The following ZNF563 variants were observed in gnomAD, a reference collection of about 807,000 sequenced individuals.
ZNF563 encodes the protein zinc finger protein 563.
A neutral mutation model predicts 48.5 loss-of-function variants in ZNF563; 39 were observed. That is an observed-to-expected ratio of 0.80 (90% CI 0.62 to 1.05). The LOEUF is 1.05. ZNF563 is among the 50% of genes least tolerant of loss of function. The pLI is 0.00. For missense variants in ZNF563, 538 were observed against 597.0 expected (o/e 0.90, Z 1.03); for synonymous variants, 168 against 187.9 (o/e 0.89, Z 0.87).
At chr19:12,340,386 C>A in the ZNF563 span, among the ~76,000 whole-genome samples, 1 of 151,998 alleles carries the variant, frequency 6.6e-6, no homozygotes, top group African/African-American at 2.4e-5. Flanking sequence ...GGCATATAGT[C>A]ACAGCTACTC....
chr19:12,319,178 A>C lies in ZNF563; in HGVS notation c.847T>G (p.Cys283Gly), dbSNP rs756372264. 1.2e-6 allele frequency: 2 copies of C among 1,614,126 alleles called. No individual in the cohort carries two copies. The highest frequency in any genetic ancestry group is 1.7e-6 in the Non-Finnish European group (2 of 1,180,018). The stretch of plus-strand genomic sequence containing the variant: ...CTGAAGGCTTTCCCACACTGTTTAC[A>C]TGTATATGGTTTCTCTCCAGTGTGA... The part of the protein sequence containing the change: ...RTHTGEKPYT[C>G]KQCGKAFSVS... Residue 283 changes from cysteine to glycine, a missense_variant, in exon 4 of 4, where the codon TGT (cysteine) becomes GGT (glycine). Transcript: ENST00000293725.
At chr19:12,336,608 A>G (rs139501963), upstream of ZNF563, among the ~76,000 whole-genome samples, 103 of 152,318 alleles carry the variant, frequency 6.8e-4, no homozygotes, top group Middle Eastern at 6.8e-3. Flanking sequence ...AAACAAGCAA[A>G]CAAAACCAAC....
chr19:12,321,395 T>G, intron 2 of ZNF563, 63 bp from the exon 3 acceptor site: 1 of 1,009,744 alleles, frequency 9.9e-7, no homozygotes, highest in Non-Finnish European at 1.4e-6. Context: ...CAGTAAGATT[T>G]TATGTATACT....
upstream of ZNF563, among the ~76,000 whole-genome samples, chr19:12,336,674 C>T (rs1969024215): frequency 6.6e-6 from 1 of 152,140 alleles, no homozygotes; most frequent in Non-Finnish European, 1.5e-5. Flanking sequence ...TTATTTTTAC[C>T]TTAGCAAACT....
rs117380614 is a variant in ZNF563 at position 12,331,311 on chromosome 19, T to C, written c.3+2169A>G. Among the ~76,000 whole-genome samples, 22 of 152,258 alleles carry C rather than the reference T, an allele frequency of 1.4e-4. 1 individual carries two copies. In the East Asian group the frequency reaches 4.3e-3, roughly 29 times the overall value. On this transcript the variant is annotated intron_variant, in intron 1 of 3. Coordinates refer to ENST00000293725, the MANE Select transcript of ZNF563 (RefSeq NM_145276.3). ...GGTCAGGTCAGGTCCTCCTGTCACC[T>C]GGGACATCCCCCACCCCCGTGCTGC...
intron 2 of ZNF563, 71 bp downstream of exon 2, chr19:12,322,514 A>G (rs1235904462): frequency 2.7e-6 from 4 of 1,465,958 alleles, no homozygotes; most frequent in Non-Finnish European, 3.7e-6. Context: ...ATTTCAAATC[A>G]TTGAACAGCA....
intron 2 of ZNF563, among the ~76,000 whole-genome samples, chr19:12,321,762 A>C (rs1968631804): frequency 6.6e-6 from 1 of 152,018 alleles, no homozygotes; most frequent in Admixed American, 6.5e-5. Flanking sequence ...TGATTCTTGA[A>C]CAACACATGT....
intron 1 of ZNF563, among the ~76,000 whole-genome samples, chr19:12,324,114 T>C (rs1464310950): frequency 6.6e-6 from 1 of 152,140 alleles, no homozygotes; most frequent in Non-Finnish European, 1.5e-5. Flanking sequence ...TCTCAGTACT[T>C]TGAGAGGCCA....
chr19:12,323,965 G>T (rs1968702659), intron 1 of ZNF563, among the ~76,000 whole-genome samples: 1 of 152,178 alleles, frequency 6.6e-6, no homozygotes, highest in Admixed American at 6.5e-5. Flanking sequence ...AGGAAAGAAG[G>T]TCAATGAGAG....
In ZNF563 at chr19:12,333,605, CG is replaced by C; in HGVS notation, c.-124del. The C allele has an allele frequency of 2.2e-6, 3 of 1,382,196 alleles. No homozygotes were observed. Among genetic ancestry groups the C allele is most frequent in the Non-Finnish European group, 3.0e-6 (3 of 1,012,132 alleles). 85.6% of individuals were successfully genotyped at this position (1,382,196 alleles called of 1,614,324 possible). On this transcript the variant is annotated 5_prime_UTR_variant, in exon 1 of 4. Coordinates refer to ENST00000293725, the MANE Select transcript of ZNF563 (RefSeq NM_145276.3). ...CTCTCAGCGACTGAGGCTACACAGACGTTCCAGGGCGTCTCTCAGCGAGCGA... is the reference window on the plus strand; with the variant it reads ...CTCTCAGCGACTGAGGCTACACAGACTTCCAGGGCGTCTCTCAGCGAGCGA...
At chr19:12,328,598 C>T (rs1402666951) in intron 1 of ZNF563, among the ~76,000 whole-genome samples, 2 of 152,082 alleles carry the variant, frequency 1.3e-5, no homozygotes, top group African/African-American at 4.8e-5. Flanking sequence ...CATGGAGAAA[C>T]CCCGTGTCTA....
At chr19:12,333,423 T>C in intron 1 of ZNF563, 57 bp downstream of exon 1, 1 of 1,608,676 alleles carries the variant, frequency 6.2e-7, no homozygotes, top group Non-Finnish European at 8.5e-7. Flanking sequence ...CGGCCGGTTC[T>C]GGACGGTTCC....
intron 2 of ZNF563, 76 bp downstream of exon 2, chr19:12,322,509 A>G (rs932806339): frequency 1.2e-5 from 18 of 1,446,938 alleles, no homozygotes; most frequent in Non-Finnish European, 1.6e-5. Flanking sequence ...TCCATATTTC[A>G]AATCATTGAA....
intron 3 of ZNF563, among the ~76,000 whole-genome samples, chr19:12,320,137 C>G (rs1334053334): frequency 6.6e-6 from 1 of 152,026 alleles, no homozygotes; most frequent in South Asian, 2.1e-4. Flanking sequence ...AGGCTGTTCT[C>G]GAACTTCTGA....
chr19:12,342,386 G>A, the ZNF563 span, among the ~76,000 whole-genome samples: 34 of 151,890 alleles, frequency 2.2e-4, no homozygotes, highest in Admixed American at 6.6e-5. Flanking sequence ...ACAAATAAGT[G>A]TAAATTAATT....
At chr19:12,329,906 CTTTCT>C (rs938578537) in intron 1 of ZNF563, among the ~76,000 whole-genome samples, 584 of 150,686 alleles carry the variant, frequency 3.9e-3, no homozygotes, top group Admixed American at 4.6e-3. Context: ...GTAGGTAATA[CTTTCT>C]TTTCTTTTCT....
At position 12,319,467 on chromosome 19, in the gene ZNF563, T is replaced by C; in HGVS notation, c.558A>G (p.Arg186=). 1.2e-6 allele frequency: 2 copies of C among 1,614,254 alleles called. No individual in the cohort carries two copies. The highest frequency in any genetic ancestry group is 1.7e-6 in the Non-Finnish European group (2 of 1,180,048). The change falls in exon 4 of 4, where the codon AGA becomes AGG. Residue 186 remains arginine (R), a synonymous_variant. Transcript: ENST00000293725. The part of the protein sequence containing the change: ...KTFSSRRNLR[R]HMVVQGGNRP... The stretch of plus-strand genomic sequence containing the variant: ...TATTTCCACCTTGCACTACCATGTG[T>C]CTTCGAAGGTTTCTACGAGAACTGA...
At chr19:12,328,008 G>A (rs963884442) in intron 1 of ZNF563, among the ~76,000 whole-genome samples, 4 of 152,188 alleles carry the variant, frequency 2.6e-5, no homozygotes, top group African/African-American at 7.2e-5. Flanking sequence ...CAGTTTGTCA[G>A]AAAATCACTA....
the ZNF563 span, among the ~76,000 whole-genome samples, chr19:12,339,113 G>A: frequency 2.6e-5 from 4 of 151,984 alleles, no homozygotes; most frequent in Admixed American, 6.6e-5. Context: ...AGGACATCTC[G>A]TTGTGATGTT....
Sources: allele counts gnomAD v4.1 joint callset (sites outside exome capture counted in the v4.1 genomes callset), GRCh38; gene constraint gnomAD v4.1.1; transcripts MANE v1.5; gene names NCBI Gene and HGNC (gene_info 2026-07-23, HGNC 2026-07-21).